Variants in TMC1 observed in about 807,000 individuals in gnomAD.
The protein encoded by TMC1 is transmembrane channel-like protein 1.
In TMC1, 84 loss-of-function variants were observed where a neutral mutation model predicts 105.8. The observed-to-expected ratio is 0.79, with a 90% CI of 0.67 to 0.95. The LOEUF (loss-of-function observed/expected upper bound fraction) is 0.95, where lower values mean the gene tolerates loss of function less well. TMC1 is among the 40% of genes least tolerant of loss of function. The pLI, the probability that TMC1 is intolerant of heterozygous loss-of-function variation, is 0.00. For missense variants in TMC1, 817 were observed against 914.1 expected (o/e 0.89, Z 1.37); for synonymous variants, 315 against 311.5 (o/e 1.01, Z -0.12).
intron 23 of TMC1, among the ~76,000 whole-genome samples, chr9:72,832,227 A>C (rs34279290): frequency 0.042 from 6,347 of 152,170 alleles, 165 homozygotes; most frequent in African/African-American, 0.052. Flanking sequence ...GTTGGGATTA[A>C]AAGCATGAAC....
intron 18 of TMC1, among the ~76,000 whole-genome samples, chr9:72,811,832 A>T (rs189188334): frequency 1.3e-5 from 2 of 152,300 alleles, no homozygotes; most frequent in Non-Finnish European, 2.9e-5. Flanking sequence ...CAATCATATT[A>T]TATTGTATTA....
At chr9:72,666,633 T>C (rs771278722) in intron 5 of TMC1, among the ~76,000 whole-genome samples, 13 of 152,166 alleles carry the variant, frequency 8.5e-5, no homozygotes, top group Non-Finnish European at 1.8e-4. Flanking sequence ...ACTGACTGAG[T>C]GCCTATTATT....
chr9:72,529,665 CTG>C (rs987636081), intron 1 of TMC1, among the ~76,000 whole-genome samples: 1 of 149,258 alleles, frequency 6.7e-6, no homozygotes, highest in Admixed American at 6.7e-5. Context: ...TCTTGTTTCT[CTG>C]TTTTTTTTTT....
At chr9:72,670,428 T>G (rs1418670781) in intron 5 of TMC1, among the ~76,000 whole-genome samples, 3 of 152,006 alleles carry the variant, frequency 2.0e-5, no homozygotes. Flanking sequence ...CTTAAATATA[T>G]ACCAGAACAA....
chr9:72,738,719 G>C (rs550643309), intron 8 of TMC1, among the ~76,000 whole-genome samples: 1 of 152,206 alleles, frequency 6.6e-6, no homozygotes, highest in Non-Finnish European at 1.5e-5. Context: ...TGCCTAGCCA[G>C]ACCCTTCATT....
At chr9:72,614,026 T>C (rs1244986048) in intron 2 of TMC1, among the ~76,000 whole-genome samples, 8 of 152,194 alleles carry the variant, frequency 5.3e-5, no homozygotes, top group Admixed American at 1.3e-4. Flanking sequence ...TGGGCTATTA[T>C]ACTGTGAATT....
chr9:72,541,931 A>G (rs1336875355), intron 1 of TMC1, among the ~76,000 whole-genome samples: 4 of 152,166 alleles, frequency 2.6e-5, no homozygotes, highest in African/African-American at 2.4e-5. Context: ...CTGAAAGAGG[A>G]TGTAAGAGAA....
intron 8 of TMC1, among the ~76,000 whole-genome samples, chr9:72,711,610 G>A (rs1458248709): frequency 1.3e-5 from 2 of 152,034 alleles, no homozygotes; most frequent in African/African-American, 4.8e-5. Flanking sequence ...ACTTTTTGAT[G>A]GGGTTGTTTG....
intron 17 of TMC1, among the ~76,000 whole-genome samples, chr9:72,795,327 C>G (rs1009082944): frequency 2.6e-5 from 4 of 152,154 alleles, no homozygotes; most frequent in African/African-American, 9.7e-5. Flanking sequence ...ACAGGAAGAT[C>G]ATCCCCAAAA....
chr9:72,551,645 C>G (rs1168197950), intron 1 of TMC1, among the ~76,000 whole-genome samples: 1 of 152,134 alleles, frequency 6.6e-6, no homozygotes, highest in African/African-American at 2.4e-5. Flanking sequence ...TTAAGTAGCT[C>G]TTGAGGGTTG....
chr9:72,703,751 C>T (rs1826683345), intron 8 of TMC1, among the ~76,000 whole-genome samples: 1 of 152,154 alleles, frequency 6.6e-6, no homozygotes, highest in Admixed American at 6.5e-5. Context: ...AATTTAGTCC[C>T]AGAAAAGAAA....
At chr9:72,788,729 T>C (rs922118915) in intron 14 of TMC1, among the ~76,000 whole-genome samples, 5 of 152,170 alleles carry the variant, frequency 3.3e-5, no homozygotes, top group African/African-American at 1.2e-4. Context: ...GTTACTGGAT[T>C]GAAATAGGAC....
intron 21 of TMC1, 25 bp downstream of exon 21, chr9:72,827,019 AAG>A: frequency 6.2e-7 from 1 of 1,613,674 alleles, no homozygotes; most frequent in Non-Finnish European, 8.5e-7. Flanking sequence ...TCCTCATAGA[AAG>A]AGCCTCTGTG....
chr9:72,762,997 CGA>C (rs1827779705), intron 12 of TMC1, among the ~76,000 whole-genome samples: 2 of 151,450 alleles, frequency 1.3e-5, no homozygotes, highest in African/African-American at 4.8e-5. Context: ...TAGCTTGTGA[CGA>C]GAGAGATTCC....
At chr9:72,652,900 T>C (rs971066156) in intron 5 of TMC1, among the ~76,000 whole-genome samples, 6 of 152,208 alleles carry the variant, frequency 3.9e-5, no homozygotes, top group Non-Finnish European at 7.4e-5. Context: ...CATCACCATG[T>C]TGCTATACTG....
intron 1 of TMC1, among the ~76,000 whole-genome samples, chr9:72,558,591 C>A (rs909776500): frequency 1.3e-5 from 2 of 152,286 alleles, no homozygotes; most frequent in Admixed American, 6.5e-5. Flanking sequence ...TAATCTGTTA[C>A]CACTTGCCAT....
intron 1 of TMC1, among the ~76,000 whole-genome samples, chr9:72,572,363 T>G (rs7022443): frequency 0.3 from 46,128 of 151,778 alleles, 7,996 homozygotes; most frequent in African/African-American, 0.45. Context: ...ATCTGGTTAA[T>G]TTTTGTATTT....
chr9:72,697,327 T>C (rs1826566362), intron 7 of TMC1, among the ~76,000 whole-genome samples: 1 of 152,160 alleles, frequency 6.6e-6, no homozygotes, highest in Non-Finnish European at 1.5e-5. Context: ...GAACATGTAA[T>C]TGCCCACAAT....
intron 1 of TMC1, among the ~76,000 whole-genome samples, chr9:72,574,529 C>T (rs1400875468): frequency 6.6e-6 from 1 of 152,174 alleles, no homozygotes; most frequent in Non-Finnish European, 1.5e-5. Flanking sequence ...TTATAAAAGG[C>T]ATTTAACATC....
Sources: gnomAD v4.1 joint callset for allele counts (sites outside exome capture counted in the v4.1 genomes callset) on GRCh38, gnomAD v4.1.1 for gene constraint, MANE v1.5 for transcripts, NCBI Gene and HGNC (gene_info 2026-07-23, HGNC 2026-07-21) for gene names.